Variants in SLC39A10 observed in about 807,000 individuals in gnomAD.
The protein encoded by SLC39A10 is solute carrier family 39 member 10.
Under a neutral mutation model 65.1 loss-of-function variants are expected in SLC39A10, and 13 were observed. That is an observed-to-expected ratio of 0.20 (90% confidence interval 0.13 to 0.32). SLC39A10 has a LOEUF of 0.32. SLC39A10 is among the 10% of genes least tolerant of loss of function. The pLI, the probability that SLC39A10 is intolerant of heterozygous loss-of-function variation, is 1.00. For missense variants in SLC39A10, 831 were observed against 1,018.4 expected (o/e 0.82, Z 2.50); for synonymous variants, 321 against 342.2 (o/e 0.94, Z 0.68).
At chr2:195,720,773 A>G in intron 8 of SLC39A10, among the ~76,000 whole-genome samples, 1 of 152,198 alleles carries the variant, frequency 6.6e-6, no homozygotes, top group Non-Finnish European at 1.5e-5. Flanking sequence ...AGACCAAGTC[A>G]TCACCGCCTT....
At chr2:195,723,240 T>C (rs957074341) in intron 8 of SLC39A10, among the ~76,000 whole-genome samples, 2 of 152,206 alleles carry the variant, frequency 1.3e-5, no homozygotes, top group African/African-American at 2.4e-5. Flanking sequence ...TTGCCTGAAT[T>C]ACTAAGTCAC....
rs1688351455 is a variant in SLC39A10, at chr2:195,621,706, C to G, written c.-12+15473C>G. ...TTCACTGGAAGAATTTTCACTAATT[C>G]AGAGATTTGCAAACTAACCTGAATA... On this transcript the variant is annotated intron_variant, in intron 2 of 2. Coordinates refer to the SLC39A10 transcript ENST00000458054. Among the ~76,000 whole-genome samples, 5 of 152,272 alleles carry G rather than the reference C, an allele frequency of 3.3e-5. No individual in the cohort carries two copies. The South Asian group carries it at 1.0e-3, about 32-fold the overall frequency.
chr2:195,669,091 A>AT (rs59793920), intron 1 of SLC39A10, among the ~76,000 whole-genome samples: 3 of 151,348 alleles, frequency 2.0e-5, no homozygotes, highest in African/African-American at 7.3e-5. Context: ...AAAAAAAAAA[A>AT]TTACTAAGTT....
intron 2 of SLC39A10, among the ~76,000 whole-genome samples, chr2:195,638,487 C>G (rs1278947381): frequency 6.6e-6 from 1 of 151,928 alleles, no homozygotes; most frequent in African/African-American, 2.4e-5. Flanking sequence ...CTACAGGCAC[C>G]TGCCACCACA....
At chr2:195,715,377 T>A (rs1399397779) in intron 6 of SLC39A10, among the ~76,000 whole-genome samples, 2 of 151,662 alleles carry the variant, frequency 1.3e-5, no homozygotes, top group Non-Finnish European at 2.9e-5. Flanking sequence ...AATACAAAAA[T>A]TAGCCGGGTG....
At chr2:195,724,869 A>G in intron 8 of SLC39A10, among the ~76,000 whole-genome samples, 1 of 152,186 alleles carries the variant, frequency 6.6e-6, no homozygotes, top group East Asian at 1.9e-4. Flanking sequence ...AAGGGCAGCA[A>G]AGTTGATTTA....
At position 195,728,909 on chromosome 2, in the gene SLC39A10, A is replaced by T. The variant is rs999608074; in HGVS notation, c.2337+560A>T. On this transcript the variant is annotated intron_variant, in intron 9 of 9. Transcript: ENST00000359634. The surrounding 1 kb of genome is among the most constrained non-coding windows in gnomAD (Gnocchi z 4.4). ...TTAGGTTTTTATGTTTGTTTGTTTG[A>T]CTAGATAGGACATTTACTTTTTTTT... Among the ~76,000 whole-genome samples, 1 of 108,072 alleles carries T rather than the reference A, an allele frequency of 9.3e-6. No individual in the cohort carries two copies. The highest frequency in any genetic ancestry group is 3.5e-5 in the African/African-American group (1 of 28,394). The allele number at this position is 108,072 out of a possible 152,430, so 70.9% of individuals were successfully genotyped here. A position where few individuals can be genotyped will look rare whatever the true frequency, so the allele number is the denominator to read the frequency against.
chr2:195,728,073 A>T lies in SLC39A10; in HGVS notation c.2147-86A>T. ...TGTTATTAAAAGTGTGTATCTTTTT[A>T]ATGCTGATTTTATTTGTTTTCTCCT... On this transcript the variant is annotated intron_variant, in intron 8 of 9. Coordinates refer to ENST00000359634, the MANE Select transcript of SLC39A10 (RefSeq NM_020342.3). This position sits in a 1 kb window ranked among gnomAD's most constrained non-coding sequence, Gnocchi z 4.4. The T allele has an allele frequency of 2.5e-6, 3 of 1,215,124 alleles. No individual in the cohort carries two copies. Among genetic ancestry groups the T allele is most frequent in the Non-Finnish European group, 2.3e-6 (2 of 861,174 alleles). 75.3% of individuals were successfully genotyped at this position (1,215,124 alleles called of 1,614,324 possible). A position where few individuals can be genotyped will look rare whatever the true frequency, so the allele number is the denominator to read the frequency against.
intron 8 of SLC39A10, among the ~76,000 whole-genome samples, chr2:195,726,952 C>T (rs569538825): frequency 8.6e-4 from 131 of 152,210 alleles, no homozygotes; most frequent in African/African-American, 3.1e-3. Flanking sequence ...GTATGTAAAG[C>T]TAATGGGTTT....
intron 1 of SLC39A10, among the ~76,000 whole-genome samples, chr2:195,676,478 C>T (rs1690094657): frequency 6.6e-6 from 1 of 152,078 alleles, no homozygotes; most frequent in Non-Finnish European, 1.5e-5. Context: ...TTCCCTATCC[C>T]AAAGACATAA....
intron 1 of SLC39A10, chr2:195,657,589 C>G (rs1230827118): frequency 3.1e-6 from 3 of 982,214 alleles, no homozygotes; most frequent in African/African-American, 1.7e-5. Context: ...AGCCTCGCGC[C>G]CCCCTCACCT....
At chr2:195,648,198 A>G (rs1401851960) in intron 2 of SLC39A10, among the ~76,000 whole-genome samples, 2 of 152,060 alleles carry the variant, frequency 1.3e-5, no homozygotes, top group African/African-American at 2.4e-5. Context: ...AGGTCTCGCT[A>G]TGTTGTCCAG....
intron 2 of SLC39A10, among the ~76,000 whole-genome samples, chr2:195,681,443 T>C (rs1026309237): frequency 6.6e-6 from 1 of 152,070 alleles, no homozygotes; most frequent in East Asian, 1.9e-4. Flanking sequence ...GAGAATCACT[T>C]GAACCCGGGA....
At chr2:195,676,711 G>A (rs989956754) in intron 1 of SLC39A10, among the ~76,000 whole-genome samples, 11 of 152,134 alleles carry the variant, frequency 7.2e-5, no homozygotes, top group Non-Finnish European at 1.0e-4. Context: ...ATAAAAAGAA[G>A]TCTTTAATAC....
At chr2:195,625,529 G>A (rs1215364855) in intron 2 of SLC39A10, among the ~76,000 whole-genome samples, 7 of 151,850 alleles carry the variant, frequency 4.6e-5, no homozygotes, top group African/African-American at 1.2e-4. Flanking sequence ...CGCCCGCCTC[G>A]GCCTCCCAAA....
intron 1 of SLC39A10, among the ~76,000 whole-genome samples, chr2:195,666,002 C>G (rs894803925): frequency 6.6e-6 from 1 of 152,100 alleles, no homozygotes; most frequent in Non-Finnish European, 1.5e-5. Context: ...TGACTACTTT[C>G]CTGCACAACT....
intron 8 of SLC39A10, among the ~76,000 whole-genome samples, chr2:195,726,086 A>C (rs1435464359): frequency 2.6e-5 from 4 of 152,218 alleles, no homozygotes; most frequent in Non-Finnish European, 5.9e-5. Context: ...ATTATACCAC[A>C]GTTTTTAAAA....
At chr2:195,689,535 T>C (rs1339895989) in intron 3 of SLC39A10, among the ~76,000 whole-genome samples, 1 of 152,222 alleles carries the variant, frequency 6.6e-6, no homozygotes, top group Non-Finnish European at 1.5e-5. Flanking sequence ...TAACAAATTT[T>C]TTTCCAATTT....
chr2:195,712,790 T>C (rs1691646101), intron 5 of SLC39A10, among the ~76,000 whole-genome samples: 2 of 152,208 alleles, frequency 1.3e-5, no homozygotes, highest in South Asian at 4.1e-4. Context: ...GATTAAATTA[T>C]GTTCTCCATC....
Sources: gnomAD v4.1 joint callset for allele counts (sites outside exome capture counted in the v4.1 genomes callset) on GRCh38, gnomAD v4.1.1 for gene constraint, Gnocchi (gnomAD v3.1) non-coding constraint, MANE v1.5 for transcripts, NCBI Gene and HGNC (gene_info 2026-07-23, HGNC 2026-07-21) for gene names.